Variants in NRG1 observed in about 807,000 individuals in gnomAD.
NRG1 encodes the protein pro-neuregulin-1, membrane-bound isoform.
A neutral mutation model predicts 63.8 loss-of-function variants in NRG1; 18 were observed. That is an observed-to-expected ratio of 0.28 (90% CI 0.19 to 0.42). The LOEUF is 0.42. Ranked by LOEUF, NRG1 falls within the 10% of genes least tolerant of loss-of-function variation. NRG1 has a pLI of 1.00. For synonymous variants in NRG1, 302 were observed against 301.3 expected, an observed-to-expected ratio of 1.00 and a Z score of -0.02; for missense variants, 762 against 814.7, an observed-to-expected ratio of 0.94 and a Z score of 0.79.
At chr8:31,781,352 G>A (rs958640233) in intron 1 of NRG1, among the ~76,000 whole-genome samples, 1 of 152,118 alleles carries the variant, frequency 6.6e-6, no homozygotes. Context: ...TGTAGGCTGG[G>A]CTGATCTTTA....
intron 1 of NRG1, among the ~76,000 whole-genome samples, chr8:32,359,566 A>C (rs1806944916): frequency 6.6e-6 from 1 of 152,182 alleles, no homozygotes; most frequent in African/African-American, 2.4e-5. Context: ...TCACATGTTC[A>C]CATGCTTACA....
chr8:32,204,573 G>C (rs373649303), intron 1 of NRG1, among the ~76,000 whole-genome samples: 6 of 152,284 alleles, frequency 3.9e-5, no homozygotes, highest in African/African-American at 1.2e-4. Flanking sequence ...GGGGATAGTA[G>C]TATCTATATA....
At chr8:32,688,228 TGCA>T (rs1810689267) in intron 5 of NRG1, among the ~76,000 whole-genome samples, 1 of 152,212 alleles carries the variant, frequency 6.6e-6, no homozygotes, top group Non-Finnish European at 1.5e-5. Context: ...GTACGAAACA[TGCA>T]GCTCTTAGAT....
chr8:32,185,438 C>A (rs1202415313), intron 1 of NRG1, among the ~76,000 whole-genome samples: 1 of 152,158 alleles, frequency 6.6e-6, no homozygotes, highest in Non-Finnish European at 1.5e-5. Context: ...CTGTCTCAAA[C>A]TAGGTTCTAG....
At chr8:31,990,574 G>A (rs1810891466) in intron 1 of NRG1, among the ~76,000 whole-genome samples, 1 of 152,094 alleles carries the variant, frequency 6.6e-6, no homozygotes, top group African/African-American at 2.4e-5. Context: ...AAATGTGTAA[G>A]AAGAAAATAA....
chr8:32,110,750 G>A (rs1472175042), intron 1 of NRG1, among the ~76,000 whole-genome samples: 2 of 152,092 alleles, frequency 1.3e-5, no homozygotes, highest in Non-Finnish European at 2.9e-5. Flanking sequence ...GCCAGTCATG[G>A]TACTCACAAT....
At chr8:31,793,946 C>T (rs532711195) in intron 1 of NRG1, among the ~76,000 whole-genome samples, 1 of 151,310 alleles carries the variant, frequency 6.6e-6, no homozygotes, top group Non-Finnish European at 1.5e-5. Flanking sequence ...TCCTTCCTTC[C>T]TTCTTTCTTT....
In NRG1 at chr8:32,298,732, A is replaced by AAG. The variant is rs1554501181; in HGVS notation, c.38-297095_38-297094insGA. Among the ~76,000 whole-genome samples, 116 of 110,874 alleles carry AAG rather than the reference A, an allele frequency of 1.0e-3. 2 individuals are homozygous for AAG. The highest frequency in any genetic ancestry group is 1.1e-3 in the South Asian group (4 of 3,722). The allele number at this position is 110,874 out of a possible 152,430, so 72.7% of individuals were successfully genotyped here. On this transcript the variant is annotated intron_variant, in intron 1 of 10. Transcript: ENST00000519301. ...TCAGTCTCAAAAAAAAAAAAAAAAG[A>AAG]AAAGAAAAGAAAAAGATCGGGTGCG...
chr8:32,263,982 C>T (rs1227311387), intron 1 of NRG1, among the ~76,000 whole-genome samples: 1 of 152,160 alleles, frequency 6.6e-6, no homozygotes, highest in Non-Finnish European at 1.5e-5. Flanking sequence ...TTTAGCCCTA[C>T]CCCCTCATTT....
At chr8:32,096,670 G>A (rs1282710760) in intron 1 of NRG1, among the ~76,000 whole-genome samples, 1 of 152,192 alleles carries the variant, frequency 6.6e-6, no homozygotes, top group Non-Finnish European at 1.5e-5. Flanking sequence ...TACATGGTGA[G>A]AGAGGAAACA....
intron 1 of NRG1, among the ~76,000 whole-genome samples, chr8:32,007,256 T>C (rs762827265): frequency 6.6e-6 from 1 of 152,034 alleles, no homozygotes; most frequent in Non-Finnish European, 1.5e-5. Context: ...GAAGCCAAGA[T>C]GAAGGATTTT....
chr8:32,252,212 C>A (rs901767351), intron 1 of NRG1, among the ~76,000 whole-genome samples: 9 of 151,894 alleles, frequency 5.9e-5, no homozygotes, highest in African/African-American at 1.9e-4. Flanking sequence ...AGATCCTGTT[C>A]ATCAATTTTG....
chr8:32,552,890 GC>G (rs1197056833), intron 1 of NRG1, among the ~76,000 whole-genome samples: 3 of 152,298 alleles, frequency 2.0e-5, no homozygotes, highest in Non-Finnish European at 1.5e-5. Flanking sequence ...CCTACTACAT[GC>G]CAGGCACTGT....
At chr8:32,548,361 C>T (rs1833364847) in exon 1 of NRG1, 2 of 1,019,706 alleles carry the variant, frequency 2.0e-6, no homozygotes, top group African/African-American at 1.7e-5. Context: ...TGAGCGGCGG[C>T]GGCTGCCGGA....
intron 1 of NRG1, among the ~76,000 whole-genome samples, chr8:32,373,142 A>AG (rs1041454899): frequency 3.3e-5 from 5 of 152,182 alleles, no homozygotes; most frequent in Middle Eastern, 6.8e-3. Flanking sequence ...AAGGGCAGGG[A>AG]GGGGGGAAAT....
chr8:31,886,809 A>G (rs541156720), intron 1 of NRG1, among the ~76,000 whole-genome samples: 1 of 152,142 alleles, frequency 6.6e-6, no homozygotes, highest in African/African-American at 2.4e-5. Flanking sequence ...AATCTTGGAG[A>G]AGCAACACAG....
chr8:32,342,290 G>A (rs1188210544), intron 1 of NRG1, among the ~76,000 whole-genome samples: 2 of 152,184 alleles, frequency 1.3e-5, no homozygotes, highest in African/African-American at 4.8e-5. Flanking sequence ...TAATAGACAT[G>A]ATATCTTGTT....
intron 1 of NRG1, among the ~76,000 whole-genome samples, chr8:32,264,096 G>T (rs200557244): frequency 6.6e-6 from 1 of 152,064 alleles, no homozygotes; most frequent in East Asian, 1.9e-4. Flanking sequence ...ATTCATACAG[G>T]TAATAAAGGT....
At chr8:32,354,003 T>A (rs1367648075) in intron 1 of NRG1, among the ~76,000 whole-genome samples, 1 of 152,104 alleles carries the variant, frequency 6.6e-6, no homozygotes, top group Non-Finnish European at 1.5e-5. Context: ...TAAAAAGGAA[T>A]GAACAATTGA....
Sources: allele counts gnomAD v4.1 joint callset (sites outside exome capture counted in the v4.1 genomes callset), GRCh38; gene constraint gnomAD v4.1.1; transcripts MANE v1.5; gene names NCBI Gene and HGNC (gene_info 2026-07-23, HGNC 2026-07-21).